IL1RAPL1: variants seen among roughly 807,000 people sequenced by gnomAD.
IL1RAPL1 encodes the protein interleukin-1 receptor accessory protein-like 1.
A neutral mutation model predicts 48.4 loss-of-function variants in IL1RAPL1; 3 were observed. The ratio of observed to expected loss-of-function variants is 0.06; its 90% CI spans 0.03 to 0.16. IL1RAPL1 has a LOEUF of 0.16. Ranked by LOEUF, IL1RAPL1 falls within the 10% of genes least tolerant of loss-of-function variation. The pLI, the probability that IL1RAPL1 is intolerant of heterozygous loss-of-function variation, is 1.00. For missense variants in IL1RAPL1, 349 were observed against 530.6 expected (o/e 0.66, Z 3.36); for synonymous variants, 185 against 187.7 (o/e 0.99, Z 0.12).
At chrX:28,922,055 C>T (rs1445235662) in intron 2 of IL1RAPL1, among the ~76,000 whole-genome samples, 4 of 111,363 alleles carry the variant, frequency 3.6e-5, no homozygotes, top group South Asian at 3.8e-4. Flanking sequence ...GGGCTGGGTG[C>T]GGTGGCTCTC....
intron 3 of IL1RAPL1, among the ~76,000 whole-genome samples, chrX:29,363,555 A>G (rs1933404919): frequency 9.0e-6 from 1 of 111,676 alleles, no homozygotes; most frequent in African/African-American, 3.3e-5. Flanking sequence ...CCGTTCTCAC[A>G]TCGCTATAAG....
At chrX:28,654,319 A>G (rs1405643106) in intron 1 of IL1RAPL1, among the ~76,000 whole-genome samples, 1 of 110,816 alleles carries the variant, frequency 9.0e-6, no homozygotes, top group Non-Finnish European at 1.9e-5. Context: ...AATGCTTTAT[A>G]TTTATTAACC....
intron 2 of IL1RAPL1, among the ~76,000 whole-genome samples, chrX:28,872,849 C>T (rs1014421404): frequency 8.9e-6 from 1 of 112,100 alleles, no homozygotes; most frequent in Non-Finnish European, 1.9e-5. Context: ...TAATAAAAGT[C>T]TGTACAGTGG....
intron 2 of IL1RAPL1, among the ~76,000 whole-genome samples, chrX:28,835,893 T>C (rs1261445689): frequency 1.8e-5 from 2 of 111,413 alleles, no homozygotes; most frequent in Admixed American, 1.9e-4. Flanking sequence ...TTTAAATCTT[T>C]AAAATGTGTT....
chrX:28,598,684 A>G (rs1933984432), intron 1 of IL1RAPL1, among the ~76,000 whole-genome samples: 1 of 103,312 alleles, frequency 9.7e-6, no homozygotes, highest in African/African-American at 3.6e-5. Context: ...GCTGGAGTGC[A>G]ATGGTGCAAT....
intron 5 of IL1RAPL1, among the ~76,000 whole-genome samples, chrX:29,610,130 A>G (rs1374502793): frequency 8.9e-6 from 1 of 111,834 alleles, no homozygotes; most frequent in Non-Finnish European, 1.9e-5. Context: ...CAGTTATCAG[A>G]AAAGAAGGAA....
intron 5 of IL1RAPL1, among the ~76,000 whole-genome samples, chrX:29,486,397 C>T (rs770517204): frequency 4.1e-4 from 45 of 109,947 alleles, no homozygotes; most frequent in Non-Finnish European, 8.0e-4. Context: ...ATTCGAATCT[C>T]CCCAAAATAG....
At chrX:28,767,026 T>C (rs1936249227) in intron 1 of IL1RAPL1, among the ~76,000 whole-genome samples, 1 of 111,914 alleles carries the variant, frequency 8.9e-6, no homozygotes, top group Non-Finnish European at 1.9e-5. Context: ...CCCTTTGATA[T>C]ACTGATTTCC....
At chrX:29,088,029 G>A (rs762248475) in intron 2 of IL1RAPL1, among the ~76,000 whole-genome samples, 1 of 111,934 alleles carries the variant, frequency 8.9e-6, no homozygotes, top group East Asian at 2.8e-4. Flanking sequence ...ACGAGATCCT[G>A]TCTCAACAAC....
At chrX:28,772,028 T>G (rs1240259504) in intron 1 of IL1RAPL1, among the ~76,000 whole-genome samples, 5 of 110,847 alleles carry the variant, frequency 4.5e-5, no homozygotes. Context: ...AAATAAATGT[T>G]AAATACTGGG....
At chrX:28,822,092 A>T (rs766839418) in intron 2 of IL1RAPL1, among the ~76,000 whole-genome samples, 6 of 110,946 alleles carry the variant, frequency 5.4e-5, no homozygotes, top group Non-Finnish European at 1.1e-4. Context: ...GTACACAGGA[A>T]GGGTTCCCTC....
intron 2 of IL1RAPL1, among the ~76,000 whole-genome samples, chrX:28,975,503 A>G (rs1158407805): frequency 5.3e-5 from 6 of 112,162 alleles, no homozygotes; most frequent in African/African-American, 3.2e-5. Context: ...ACTAGGATAC[A>G]TGTTTCTTTG....
chrX:29,566,276 T>C (rs1419946151), intron 5 of IL1RAPL1, among the ~76,000 whole-genome samples: 1 of 111,847 alleles, frequency 8.9e-6, no homozygotes, highest in Non-Finnish European at 1.9e-5. Flanking sequence ...GAGTAAATGA[T>C]ATGAAATATT....
chrX:28,906,127 C>T (rs1923210569), intron 2 of IL1RAPL1, among the ~76,000 whole-genome samples: 1 of 111,372 alleles, frequency 9.0e-6, no homozygotes, highest in Non-Finnish European at 1.9e-5. Context: ...GGGGAAAGAG[C>T]CATTTATAAA....
intron 3 of IL1RAPL1, among the ~76,000 whole-genome samples, chrX:29,377,476 G>A (rs758670813): frequency 8.9e-6 from 1 of 111,932 alleles, no homozygotes; most frequent in East Asian, 2.8e-4. Context: ...GCTTAAGTGT[G>A]TTTTTGTGGT....
intron 6 of IL1RAPL1, among the ~76,000 whole-genome samples, chrX:29,847,117 CATTT>C (rs1931266250): frequency 9.0e-6 from 1 of 111,709 alleles, no homozygotes; most frequent in Admixed American, 9.5e-5. Flanking sequence ...CTGCTAAATT[CATTT>C]GAGTCAAATG....
chrX:28,791,052 C>G (rs902630077), intron 2 of IL1RAPL1, among the ~76,000 whole-genome samples: 3 of 111,064 alleles, frequency 2.7e-5, no homozygotes, highest in Non-Finnish European at 5.7e-5. Flanking sequence ...TTGATTAATT[C>G]TTTAAAACTT....
intron 2 of IL1RAPL1, among the ~76,000 whole-genome samples, chrX:28,817,860 A>G (rs1257813438): frequency 9.0e-6 from 1 of 110,823 alleles, no homozygotes; most frequent in African/African-American, 3.3e-5. Flanking sequence ...TGTGTCACTT[A>G]CTGGCAAGCT....
At chrX:28,792,553 C>T (rs1003264835) in intron 2 of IL1RAPL1, among the ~76,000 whole-genome samples, 47 of 105,634 alleles carry the variant, frequency 4.4e-4, no homozygotes, top group African/African-American at 1.1e-3. Context: ...TTTGGGAGGC[C>T]GAGGCGGGCA....
Sources: allele counts gnomAD v4.1 joint callset (sites outside exome capture counted in the v4.1 genomes callset), GRCh38; gene constraint gnomAD v4.1.1; transcripts MANE v1.5; gene names NCBI Gene and HGNC (gene_info 2026-07-23, HGNC 2026-07-21).